ITGA8: variants seen among roughly 807,000 people sequenced by gnomAD.
The protein encoded by ITGA8 is integrin alpha-8.
Under a neutral mutation model 142.3 loss-of-function variants are expected in ITGA8, and 91 were observed. That is an observed-to-expected ratio of 0.64 (90% confidence interval 0.54 to 0.76). The LOEUF (loss-of-function observed/expected upper bound fraction) is 0.76, where lower values mean the gene tolerates loss of function less well. Ranked by LOEUF, ITGA8 falls within the 30% of genes least tolerant of loss-of-function variation. ITGA8 has a pLI of 0.00. For missense variants in ITGA8, 1,406 were observed against 1,327.7 expected (o/e 1.06, Z -0.92); for synonymous variants, 505 against 485.2 (o/e 1.04, Z -0.54).
At chr10:15,591,545 C>T (rs1360330708) in intron 22 of ITGA8, among the ~76,000 whole-genome samples, 1 of 151,904 alleles carries the variant, frequency 6.6e-6, no homozygotes, top group East Asian at 1.9e-4. Flanking sequence ...AGCTGGGAAG[C>T]CCCAGCCCAA....
intron 7 of ITGA8, among the ~76,000 whole-genome samples, chr10:15,671,879 C>CAAAAAAAAGAAAAA (rs1834528499): frequency 1.3e-5 from 1 of 79,730 alleles, no homozygotes; most frequent in Non-Finnish European, 2.4e-5. Context: ...AGGAGCAAAG[C>CAAAAAAAAGAAAAA]AAAAAAAAAA....
At chr10:15,651,644 G>T (rs1302971992) in intron 11 of ITGA8, among the ~76,000 whole-genome samples, 1 of 151,520 alleles carries the variant, frequency 6.6e-6, no homozygotes, top group Non-Finnish European at 1.5e-5. Flanking sequence ...ATAGCCTTGT[G>T]TACAAATGTA....
At chr10:15,679,644 C>A (rs2131697655) in intron 4 of ITGA8, among the ~76,000 whole-genome samples, 1 of 152,288 alleles carries the variant, frequency 6.6e-6, no homozygotes, top group African/African-American at 2.4e-5. Flanking sequence ...TGGGAAATTG[C>A]ATTTCTGGTC....
At chr10:15,549,539 G>A (rs1307586608) in intron 26 of ITGA8, among the ~76,000 whole-genome samples, 1 of 152,130 alleles carries the variant, frequency 6.6e-6, no homozygotes, top group Non-Finnish European at 1.5e-5. Context: ...TCAGATTCCA[G>A]CATGGAAATA....
chr10:15,631,407 T>C (rs1041274581), intron 13 of ITGA8, among the ~76,000 whole-genome samples: 3 of 151,962 alleles, frequency 2.0e-5, no homozygotes, highest in Non-Finnish European at 4.4e-5. Context: ...TGAGTTCATG[T>C]CCTTTGCGGG....
chr10:15,715,479 C>T (rs1015788185), intron 2 of ITGA8, among the ~76,000 whole-genome samples: 2 of 152,152 alleles, frequency 1.3e-5, no homozygotes, highest in African/African-American at 2.4e-5. Flanking sequence ...AAGCAGGCTG[C>T]GAACTGGGCA....
intron 13 of ITGA8, among the ~76,000 whole-genome samples, chr10:15,640,926 C>T (rs1312183832): frequency 6.6e-6 from 1 of 152,202 alleles, no homozygotes. Flanking sequence ...AGGGACTGAG[C>T]TACCCTTTAG....
intron 8 of ITGA8, among the ~76,000 whole-genome samples, chr10:15,666,548 A>T (rs1050594019): frequency 6.6e-6 from 1 of 152,140 alleles, no homozygotes; most frequent in African/African-American, 2.4e-5. Context: ...AGAACTTCCA[A>T]CACTATGTTG....
chr10:15,529,033 C>T (rs1367959170), intron 28 of ITGA8, among the ~76,000 whole-genome samples: 1 of 150,022 alleles, frequency 6.7e-6, no homozygotes, highest in Non-Finnish European at 1.5e-5. Flanking sequence ...GTCTCCCTCC[C>T]TTCCTTTCTC....
chr10:15,694,295 C>T (rs1373830614), intron 2 of ITGA8, among the ~76,000 whole-genome samples: 1 of 124,014 alleles, frequency 8.1e-6, no homozygotes, highest in African/African-American at 3.6e-5. Flanking sequence ...GATAATATAT[C>T]ATATATATGA....
At chr10:15,527,261 T>G (rs1833192898) in intron 28 of ITGA8, among the ~76,000 whole-genome samples, 2 of 152,208 alleles carry the variant, frequency 1.3e-5, no homozygotes, top group Admixed American at 1.3e-4. Flanking sequence ...AGTTCCATAT[T>G]AAGGTATTAA....
chr10:15,604,554 G>C (rs1432992145), intron 19 of ITGA8, among the ~76,000 whole-genome samples, 199 bp from the exon 20 acceptor site: 3 of 143,480 alleles, frequency 2.1e-5, no homozygotes, highest in African/African-American at 8.0e-5. Context: ...GTAGTGTGTT[G>C]GTAAATGTTT....
chr10:15,576,299 C>T (rs1220128349), intron 23 of ITGA8, among the ~76,000 whole-genome samples: 1 of 152,086 alleles, frequency 6.6e-6, no homozygotes, highest in African/African-American at 2.4e-5. Context: ...AGGATATTAA[C>T]TTGACATATG....
chr10:15,632,193 T>C (rs1243152127), intron 13 of ITGA8, among the ~76,000 whole-genome samples: 1 of 150,664 alleles, frequency 6.6e-6, no homozygotes, highest in Non-Finnish European at 1.5e-5. Context: ...GAGGGAGTCC[T>C]GGCTTCACAT....
chr10:15,694,198 TATATCATATATATGATAAC>T (rs1564412161), intron 2 of ITGA8, among the ~76,000 whole-genome samples: 11 of 142,076 alleles, frequency 7.7e-5, no homozygotes, highest in Admixed American at 1.5e-4. Flanking sequence ...TATATGATAA[TATATCATATATATGATAAC>T]ATATCATATA....
intron 2 of ITGA8, among the ~76,000 whole-genome samples, chr10:15,697,547 A>G (rs1470811871): frequency 6.6e-6 from 1 of 152,226 alleles, no homozygotes; most frequent in Non-Finnish European, 1.5e-5. Flanking sequence ...GTAAAGGACT[A>G]GATAAATGTC....
chr10:15,582,744 T>C (rs1482728514), intron 23 of ITGA8, among the ~76,000 whole-genome samples: 1 of 152,254 alleles, frequency 6.6e-6, no homozygotes, highest in East Asian at 1.9e-4. Context: ...ATAGGCTTAC[T>C]AGAATGACTA....
chr10:15,555,216 C>T (rs1300417518), intron 26 of ITGA8, among the ~76,000 whole-genome samples: 3 of 152,164 alleles, frequency 2.0e-5, no homozygotes, highest in South Asian at 2.1e-4. Context: ...ATCTTTTAAA[C>T]GGCTTGCAAT....
chr10:15,661,567 T>C (rs1834287992), intron 8 of ITGA8, among the ~76,000 whole-genome samples: 1 of 152,242 alleles, frequency 6.6e-6, no homozygotes, highest in Admixed American at 6.5e-5. Flanking sequence ...TGTACTTCGG[T>C]CTCTAATTCA....
Sources: allele counts gnomAD v4.1 joint callset (sites outside exome capture counted in the v4.1 genomes callset), GRCh38; gene constraint gnomAD v4.1.1; transcripts MANE v1.5; gene names NCBI Gene and HGNC (gene_info 2026-07-23, HGNC 2026-07-21).